The following FNBP1L variants were observed in gnomAD, a reference collection of about 807,000 sequenced individuals.
The protein encoded by FNBP1L is formin binding protein 1 like.
A neutral mutation model predicts 91.2 loss-of-function variants in FNBP1L; 36 were observed. The ratio of observed to expected loss-of-function variants is 0.39; its 90% confidence interval spans 0.30 to 0.52. The LOEUF is 0.52. Among genes scored for constraint, FNBP1L ranks in the 20% least tolerant of loss-of-function variants. FNBP1L has a pLI of 0.66. For missense variants in FNBP1L, 571 were observed against 732.1 expected, an observed-to-expected ratio of 0.78 and a Z score of 2.54; for synonymous variants, 242 against 237.0, an observed-to-expected ratio of 1.02 and a Z score of -0.19.
intron 1 of FNBP1L, among the ~76,000 whole-genome samples, chr1:93,483,569 A>G (rs1669792384): frequency 6.6e-6 from 1 of 152,206 alleles, no homozygotes. Context: ...CCTAAATATT[A>G]AGATTTTTCA....
chr1:93,512,543 G>T (rs1240653575), intron 2 of FNBP1L, among the ~76,000 whole-genome samples: 1 of 151,952 alleles, frequency 6.6e-6, no homozygotes, highest in Non-Finnish European at 1.5e-5. Flanking sequence ...CTCAGCAAAT[G>T]TAAAAGAACA....
chr1:93,548,281 C>T (rs952370573), intron 14 of FNBP1L, among the ~76,000 whole-genome samples: 1 of 152,070 alleles, frequency 6.6e-6, no homozygotes, highest in Non-Finnish European at 1.5e-5. Context: ...TCTCTGGCTT[C>T]CAGGCTTACT....
intron 1 of FNBP1L, among the ~76,000 whole-genome samples, chr1:93,455,306 C>T (rs1392295080): frequency 6.6e-6 from 1 of 152,214 alleles, no homozygotes; most frequent in African/African-American, 2.4e-5. Context: ...GATCCTCCTG[C>T]GTCAACCTCT....
intron 1 of FNBP1L, among the ~76,000 whole-genome samples, chr1:93,455,279 A>G (rs2101682644): frequency 6.6e-6 from 1 of 152,300 alleles, no homozygotes; most frequent in African/African-American, 2.4e-5. Context: ...CGCAGCCTCA[A>G]ACTCCTGGGC....
chr1:93,477,229 A>G (rs1203606582), intron 1 of FNBP1L, among the ~76,000 whole-genome samples: 1 of 152,246 alleles, frequency 6.6e-6, no homozygotes, highest in African/African-American at 2.4e-5. Flanking sequence ...AATGATGGCA[A>G]TAGAGATACA....
chr1:93,530,448 T>TA (rs1296562099), intron 6 of FNBP1L, among the ~76,000 whole-genome samples: 45 of 152,240 alleles, frequency 3.0e-4, no homozygotes, highest in Middle Eastern at 3.4e-3. Flanking sequence ...TTTGTTTTTT[T>TA]ATCTGGATTT....
chr1:93,532,770 T>C (rs1385222236), intron 7 of FNBP1L, among the ~76,000 whole-genome samples, 152 bp from the exon 8 acceptor site: 1 of 152,166 alleles, frequency 6.6e-6, no homozygotes, highest in Non-Finnish European at 1.5e-5. Context: ...TTTTAAGTAT[T>C]ATAAGTCAAT....
chr1:93,499,386 G>A, intron 1 of FNBP1L, 82 bp from the exon 2 acceptor site: 1 of 884,296 alleles, frequency 1.1e-6, no homozygotes, highest in Non-Finnish European at 1.8e-6. Flanking sequence ...TTGCTTCTCT[G>A]TACAAATACC....
chr1:93,510,851 A>G (rs1344855034), intron 2 of FNBP1L, among the ~76,000 whole-genome samples: 2 of 152,308 alleles, frequency 1.3e-5, no homozygotes, highest in Middle Eastern at 3.4e-3. Flanking sequence ...AAGAAAGGGT[A>G]TCAGCGATGG....
intron 1 of FNBP1L, among the ~76,000 whole-genome samples, chr1:93,476,966 G>T (rs973392498): frequency 6.6e-6 from 1 of 152,178 alleles, no homozygotes; most frequent in African/African-American, 2.4e-5. Context: ...ACAAGGCAGA[G>T]AAGTTAAATG....
chr1:93,533,083 AT>A lies in FNBP1L; in HGVS notation c.786+17del, dbSNP rs34814765. The A allele has an allele frequency of 0.58, 933,669 of 1,606,192 alleles. 281,053 individuals carry two copies. Among genetic ancestry groups the A allele is most frequent in the Non-Finnish European group, 0.61 (717,476 of 1,174,436 alleles). On this transcript the variant is annotated intron_variant, in intron 8 of 16. Transcript: ENST00000271234. ...ATGAAAGAAGAGTAAGTGCTAAATAATTATCTTTGAATGCATCTGTTTGGTT... is the reference window on the plus strand; with the variant it reads ...ATGAAAGAAGAGTAAGTGCTAAATAATATCTTTGAATGCATCTGTTTGGTT...
intron 1 of FNBP1L, among the ~76,000 whole-genome samples, chr1:93,470,872 C>CA (rs560465033): frequency 0.26 from 19,776 of 75,872 alleles, 1,698 homozygotes; most frequent in Middle Eastern, 0.32. Flanking sequence ...GACTCCATCT[C>CA]AAAAAAAAAA....
rs1280638736 is a variant in FNBP1L at position 93,543,987 on chromosome 1, CT to C, written c.1165-118del. On this transcript the variant is annotated intron_variant, in intron 11 of 16. Transcript: ENST00000271234. Reference sequence around the variant, plus strand: ...GATTTCTTTTTTTTTTAAGGGGTTGCTTGAGGCAAATTTGAAATTAAACTTA... The same window carrying C: ...GATTTCTTTTTTTTTTAAGGGGTTGCTGAGGCAAATTTGAAATTAAACTTA... 21 of 529,026 alleles carry C rather than the reference CT, an allele frequency of 4.0e-5. No individual in the cohort carries two copies. In the East Asian group the frequency reaches 7.1e-4, roughly 18 times the overall value. The allele number at this position is 529,026 out of a possible 1,614,324, so 32.8% of individuals were successfully genotyped here. A position where few individuals can be genotyped will look rare whatever the true frequency, so the allele number is the denominator to read the frequency against.
At chr1:93,500,225 C>CA (rs1406079105) in intron 2 of FNBP1L, among the ~76,000 whole-genome samples, 1 of 152,046 alleles carries the variant, frequency 6.6e-6, no homozygotes, top group Non-Finnish European at 1.5e-5. Context: ...CCTGAAGTGA[C>CA]AAAAAATCCA....
chr1:93,544,491 A>T (rs749936119), intron 12 of FNBP1L, among the ~76,000 whole-genome samples: 1 of 152,124 alleles, frequency 6.6e-6, no homozygotes, highest in Non-Finnish European at 1.5e-5. Context: ...TTTCATCAGC[A>T]CTACCTCTTA....
chr1:93,526,578 T>C (rs1671501710), intron 5 of FNBP1L, among the ~76,000 whole-genome samples: 1 of 152,144 alleles, frequency 6.6e-6, no homozygotes, highest in Non-Finnish European at 1.5e-5. Context: ...ACCTCTGCCC[T>C]GGCTGTGGGG....
chr1:93,527,283 T>G (rs1467015483), intron 5 of FNBP1L, among the ~76,000 whole-genome samples: 1 of 152,172 alleles, frequency 6.6e-6, no homozygotes, highest in Non-Finnish European at 1.5e-5. Context: ...AAAGGGAAAT[T>G]GCTAACTGCT....
At chr1:93,454,336 C>CTG (rs55899862) in intron 1 of FNBP1L, among the ~76,000 whole-genome samples, 70,146 of 149,062 alleles carry the variant, frequency 0.47, 19,552 homozygotes, top group Non-Finnish European at 0.62. Context: ...ATGGGTGTGT[C>CTG]TGTGTGTGTG....
chr1:93,542,434 T>C (rs987433709), intron 11 of FNBP1L, among the ~76,000 whole-genome samples: 1 of 135,948 alleles, frequency 7.4e-6, no homozygotes, highest in Non-Finnish European at 1.5e-5. Flanking sequence ...TTTCTGGTGA[T>C]TGGTAAATGA....
Sources: gnomAD v4.1 joint callset for allele counts (sites outside exome capture counted in the v4.1 genomes callset) on GRCh38, gnomAD v4.1.1 for gene constraint, MANE v1.5 for transcripts, NCBI Gene and HGNC (gene_info 2026-07-23, HGNC 2026-07-21) for gene names.